FANCA: variants seen among roughly 807,000 people sequenced by gnomAD.
FANCA encodes the protein FA complementation group A, also known as Fanconi anemia group A protein.
FANCA carries 236 observed loss-of-function variants against 194.3 expected under a neutral mutation model. The ratio of observed to expected loss-of-function variants is 1.21; its 90% confidence interval spans 1.09 to 1.35. The LOEUF (loss-of-function observed/expected upper bound fraction) is 1.35. Ranked by LOEUF, FANCA falls within the 40% of genes most tolerant of loss-of-function variation. The probability of loss-of-function intolerance (pLI) is 0.00; values close to 1 mark genes in which losing one functional copy is unlikely to be tolerated. For synonymous variants in FANCA, 1,014 were observed against 715.8 expected, an observed-to-expected ratio of 1.42 and a Z score of -6.65; for missense variants, 2,628 against 1,813.9, an observed-to-expected ratio of 1.45 and a Z score of -8.15.
At chr16:89,800,118 C>T (rs1053956500) in intron 8 of FANCA, among the ~76,000 whole-genome samples, 7 of 152,238 alleles carry the variant, frequency 4.6e-5, no homozygotes, top group African/African-American at 1.7e-4. Context: ...CTGGAATTAC[C>T]CTAAGACTGC....
chr16:89,752,987 C>G (rs917199512), intron 30 of FANCA, among the ~76,000 whole-genome samples: 1 of 152,156 alleles, frequency 6.6e-6, no homozygotes, highest in Non-Finnish European at 1.5e-5. Flanking sequence ...GAGGCCTCAC[C>G]GTCTCCCTGT....
chr16:89,777,974 T>G (rs1333453464), intron 20 of FANCA, among the ~76,000 whole-genome samples: 1 of 151,892 alleles, frequency 6.6e-6, no homozygotes, highest in Non-Finnish European at 1.5e-5. Flanking sequence ...CCAGCCTGAC[T>G]AACATGGTGA....
At chr16:89,795,817 TG>T in intron 11 of FANCA, 88 bp downstream of exon 11, 1 of 923,860 alleles carries the variant, frequency 1.1e-6, no homozygotes, top group Non-Finnish European at 1.8e-6. Context: ...CTAGAATTCC[TG>T]GCATCTCCAG....
At chr16:89,812,255 G>A (rs908445849) in intron 3 of FANCA, among the ~76,000 whole-genome samples, 8 of 149,234 alleles carry the variant, frequency 5.4e-5, no homozygotes, top group African/African-American at 2.0e-4. Flanking sequence ...GAAGAATGGC[G>A]TGAACCCAGG....
At chr16:89,768,245 C>T (rs554236851) in intron 26 of FANCA, among the ~76,000 whole-genome samples, 2 of 152,168 alleles carry the variant, frequency 1.3e-5, no homozygotes, top group Non-Finnish European at 2.9e-5. Context: ...AACATACATA[C>T]CTACAGCAAT....
chr16:89,800,530 C>A (rs566280683), intron 8 of FANCA, among the ~76,000 whole-genome samples: 1 of 152,294 alleles, frequency 6.6e-6, no homozygotes, highest in African/African-American at 2.4e-5. Context: ...CAATAACGTT[C>A]TTCCCAGAAA....
intron 31 of FANCA, among the ~76,000 whole-genome samples, chr16:89,751,726 C>A (rs1269701075): frequency 1.3e-5 from 2 of 152,092 alleles, no homozygotes; most frequent in Non-Finnish European, 1.5e-5. Flanking sequence ...CAGCCTCGGA[C>A]TCCCAAAGTA....
At chr16:89,803,374 A>T in intron 7 of FANCA, 33 bp from the exon 8 acceptor site, 6 of 1,583,314 alleles carry the variant, frequency 3.8e-6, no homozygotes, top group Non-Finnish European at 5.2e-6. Flanking sequence ...TTATTTATGG[A>T]CATCATGGTC....
intron 10 of FANCA, chr16:89,798,819 G>C (rs2040338298): frequency 6.8e-7 from 1 of 1,464,354 alleles, no homozygotes; most frequent in African/African-American, 1.4e-5. Context: ...GGCAGGGCCA[G>C]CTCTAGAGCC....
intron 40 of FANCA, 86 bp from the exon 41 acceptor site, chr16:89,739,375 C>T: frequency 6.3e-7 from 1 of 1,588,554 alleles, no homozygotes; most frequent in Non-Finnish European, 8.6e-7. Context: ...ATCTGTGGAG[C>T]AGAGGCACAG....
intron 6 of FANCA, 152 bp from the exon 7 acceptor site, chr16:89,805,544 G>A (rs1598177755): frequency 1.8e-5 from 12 of 651,104 alleles, no homozygotes; most frequent in East Asian, 8.8e-5. Context: ...CTGCACCCTC[G>A]ACCTCCCAGG....
intron 26 of FANCA, 142 bp from the exon 27 acceptor site, chr16:89,767,379 G>C (rs781715762): frequency 1.2e-5 from 8 of 690,382 alleles, no homozygotes; most frequent in South Asian, 3.1e-5. Context: ...TTTTTGGTTC[G>C]TTTGTTGTGA....
intron 28 of FANCA, chr16:89,762,495 G>C (rs143642926): frequency 4.4e-6 from 1 of 229,148 alleles, no homozygotes; most frequent in African/African-American, 2.3e-5. Context: ...TTGGGAGGCT[G>C]AGGCAGGAGG....
chr16:89,783,801 T>C (rs906700529), intron 15 of FANCA, among the ~76,000 whole-genome samples: 2 of 151,984 alleles, frequency 1.3e-5, no homozygotes, highest in Non-Finnish European at 2.9e-5. Context: ...TTTGCTCTTA[T>C]TGCCCAGGCT....
intron 8 of FANCA, among the ~76,000 whole-genome samples, chr16:89,800,231 G>C (rs2040397430): frequency 6.6e-6 from 1 of 152,222 alleles, no homozygotes; most frequent in African/African-American, 2.4e-5. Context: ...CTCAGGCCTT[G>C]AATCTGGGCT....
At chr16:89,769,374 C>G (rs2039242222) in intron 26 of FANCA, among the ~76,000 whole-genome samples, 1 of 152,172 alleles carries the variant, frequency 6.6e-6, no homozygotes, top group African/African-American at 2.4e-5. Flanking sequence ...GCAGACCATT[C>G]TTAACCACAG....
chr16:89,770,529 A>T, intron 24 of FANCA, 35 bp downstream of exon 24: 1 of 1,560,976 alleles, frequency 6.4e-7, no homozygotes, highest in Non-Finnish European at 8.7e-7. Context: ...CACCCAGAGG[A>T]GCCCCACCAC....
At position 89,738,246 on chromosome 16, in the gene FANCA, A is replaced by AG. The variant is rs768448255; in HGVS notation, c.*354dup. The AG allele has an allele frequency of 6.3e-7, 1 of 1,597,528 alleles. No homozygotes were observed. The highest frequency in any genetic ancestry group is 8.5e-7 in the Non-Finnish European group (1 of 1,172,746). Reference sequence around the variant, plus strand: ...AGGCGGTGAAGCCCGAACCCACCTGAGGACGGCAGTGAGGATGAGCACCTC... The same window carrying AG: ...AGGCGGTGAAGCCCGAACCCACCTGAGGGACGGCAGTGAGGATGAGCACCTC... On this transcript the variant is annotated 3_prime_UTR_variant, in exon 43 of 43. Coordinates refer to ENST00000389301, the MANE Select transcript of FANCA (RefSeq NM_000135.4).
At chr16:89,771,230 A>G (rs984848097) in intron 23 of FANCA, among the ~76,000 whole-genome samples, 107 of 151,896 alleles carry the variant, frequency 7.0e-4, no homozygotes, top group African/African-American at 2.3e-3. Flanking sequence ...AGGCTGAGGC[A>G]GACAGATCAC....
Sources: allele counts gnomAD v4.1 joint callset (sites outside exome capture counted in the v4.1 genomes callset), GRCh38; gene constraint gnomAD v4.1.1; transcripts MANE v1.5; gene names NCBI Gene and HGNC (gene_info 2026-07-23, HGNC 2026-07-21).